TAF1C: variants seen among roughly 807,000 people sequenced by gnomAD.
TAF1C encodes TATA box-binding protein-associated factor RNA polymerase I subunit C.
TAF1C carries 79 observed loss-of-function variants against 70.5 expected under a neutral mutation model. That is an observed-to-expected ratio of 1.12 (90% CI 0.93 to 1.35). TAF1C has a LOEUF of 1.35. Ranked by LOEUF, TAF1C falls within the 40% of genes most tolerant of loss-of-function variation. The pLI, the probability that TAF1C is intolerant of heterozygous loss-of-function variation, is 0.00. For synonymous variants in TAF1C, 614 were observed against 491.1 expected (o/e 1.25, Z -3.31); for missense variants, 1,412 against 1,127.8 (o/e 1.25, Z -3.61).
chr16:84,183,801 G>C (rs757842884), intron 2 of TAF1C, 23 bp from the exon 3 acceptor site: 2 of 1,591,134 alleles, frequency 1.3e-6, no homozygotes, highest in Non-Finnish European at 1.7e-6. Context: ...CAATCGCAAG[G>C]ACAGTATCAT....
rs751186288 is a variant in TAF1C, at chr16:84,180,092, G to A, written c.1484-9C>T. On this transcript the variant is annotated splice_polypyrimidine_tract_variant and intron_variant, in intron 13 of 14. Coordinates refer to ENST00000566732, the MANE Select transcript of TAF1C (RefSeq NM_001243156.2). Reference sequence around the variant, plus strand: ...CACCGACGCCCCTTCTCCTGAGGAAGGACAGACAGCTGAGGCCCTGTCCAG... The same window carrying A: ...CACCGACGCCCCTTCTCCTGAGGAAAGACAGACAGCTGAGGCCCTGTCCAG... 2 of 1,589,256 alleles carry A rather than the reference G, an allele frequency of 1.3e-6. No individual in the cohort carries two copies. Among genetic ancestry groups the A allele is most frequent in the Non-Finnish European group, 1.7e-6 (2 of 1,169,970 alleles).
Position 84,182,210 on chromosome 16 carries a change from T to C in TAF1C, c.713A>G (p.Asp238Gly), listed in dbSNP as rs753197943. 36 of 1,610,694 alleles carry C rather than the reference T, an allele frequency of 2.2e-5. No individual in the cohort carries two copies. In the South Asian group the frequency reaches 4.0e-4, roughly 18 times the overall value. The stretch of plus-strand genomic sequence containing the variant: ...CTCGCAAGAAAGGATACGCAGCCTG[T>C]CCTGGGCGCCTCCAGCAGGGTAGAC... ...QLVYPAGGAQ[D>G]RLHFQEVVLT... Residue 238 changes from aspartate to glycine, a missense_variant, in exon 7 of 15, where the codon GAC (aspartate) becomes GGC (glycine). Coordinates refer to ENST00000566732, the MANE Select transcript of TAF1C (RefSeq NM_001243156.2). This position sits in a 1 kb window ranked among gnomAD's most constrained non-coding sequence, Gnocchi z 5.0.
chr16:84,183,028 A>G (rs1597564499), intron 6 of TAF1C, 48 bp downstream of exon 6: 1 of 1,598,644 alleles, frequency 6.3e-7, no homozygotes, highest in Non-Finnish European at 8.6e-7. Context: ...CTACATCCCC[A>G]CCACCAGCTA....
rs184969494 is a variant in TAF1C at position 84,183,496 on chromosome 16, G to C, written c.232C>G (p.Pro78Ala). 35 of 1,610,544 alleles carry C rather than the reference G, an allele frequency of 2.2e-5. No homozygotes were observed. In the East Asian group the frequency reaches 7.4e-4, roughly 34 times the overall value. The change falls in exon 4 of 15, where the codon CCT becomes GCT. Residue 78 changes from proline to alanine, a missense_variant. Pro to Ala is a conservative substitution (Grantham distance 27). Coordinates refer to ENST00000566732, the MANE Select transcript of TAF1C (RefSeq NM_001243156.2). ...AGCAGGTCCCGGGCAGTCAGGCCAG[G>C]GTCCCAGGGATCTGAGAAGGAGGTT... ...MLPPLIDPWDPGLTARDLLFR... is the reference protein window; with the variant it reads ...MLPPLIDPWDAGLTARDLLFR...
At chr16:84,181,568 G>A (rs536158812) in intron 10 of TAF1C, 24 bp downstream of exon 10, 1 of 1,613,920 alleles carries the variant, frequency 6.2e-7, no homozygotes, top group Non-Finnish European at 8.5e-7. Context: ...TTAGGGTGGG[G>A]GGTTTCACAG....
rs374905705 is a variant in TAF1C at position 84,183,403 on chromosome 16, C to A, written c.318+7G>T. On this transcript the variant is annotated splice_region_variant and intron_variant, in intron 4 of 14. Transcript: ENST00000566732. ...TACGCAGCACTGTCCCCCGTGGGCC[C>A]ACTCACCTGCTCAGTCACATCCAGC... 1 of 1,613,064 alleles carries A rather than the reference C, an allele frequency of 6.2e-7. No homozygotes were observed. The highest frequency in any genetic ancestry group is 8.5e-7 in the Non-Finnish European group (1 of 1,179,550).
chr16:84,179,000 G>A lies in TAF1C; in HGVS notation c.2473C>T (p.His825Tyr), dbSNP rs745592578. The A allele has an allele frequency of 6.2e-7, 1 of 1,610,670 alleles. No homozygotes were observed. Among genetic ancestry groups the A allele is most frequent in the Non-Finnish European group, 8.5e-7 (1 of 1,179,954 alleles). ...SSVRATRSQQ[H>Y]TPVLSSSQPL... Reference sequence around the variant, plus strand: ...TGAGAGCTAGAGAGGACGGGTGTGTGCTGCTGGGAGCGAGTGGCCCGGACG... The same window carrying A: ...TGAGAGCTAGAGAGGACGGGTGTGTACTGCTGGGAGCGAGTGGCCCGGACG... The change falls in exon 15 of 15, where the codon CAC (histidine) becomes TAC (tyrosine). Residue 825 changes from histidine (H) to tyrosine (Y), a missense_variant. By Grantham distance (83) the His-to-Tyr change is moderately conservative. Transcript: ENST00000566732.
Position 84,185,060 on chromosome 16 carries a change from C to T in TAF1C, c.-72G>A. The stretch of plus-strand genomic sequence containing the variant: ...GAAGCTGGTAAGGGGCGCCAGAGTT[C>T]CTGAGGAGTGAAAAGTGCACTACGG... On this transcript the variant is annotated splice_region_variant and 5_prime_UTR_variant, in exon 2 of 15. Coordinates refer to ENST00000566732, the MANE Select transcript of TAF1C (RefSeq NM_001243156.2). 4 of 1,546,632 alleles carry T rather than the reference C, an allele frequency of 2.6e-6. No homozygotes were observed. Among genetic ancestry groups the T allele is most frequent in the Non-Finnish European group, 3.5e-6 (4 of 1,145,600 alleles).
intron 2 of TAF1C, 49 bp downstream of exon 2, chr16:84,184,802 G>A (rs1226188536): frequency 1.3e-6 from 2 of 1,548,190 alleles, no homozygotes; most frequent in African/African-American, 2.7e-5. Context: ...GGGGGACCCA[G>A]GGAAGGGATG....
At chr16:84,183,214 T>A (rs1476936313) in intron 5 of TAF1C, 30 bp downstream of exon 5, 2 of 1,612,886 alleles carry the variant, frequency 1.2e-6, no homozygotes, top group Non-Finnish European at 1.7e-6. Flanking sequence ...CAGCAGGGAG[T>A]CCCCACCCCT....
Position 84,178,826 on chromosome 16 carries a change from G to T in TAF1C, c.*115C>A. ...AAATTGCTTGGCTCATCATCACAGT[G>T]GCCTCCAGAAGGTGGCGAGCTCTGC... On this transcript the variant is annotated 3_prime_UTR_variant, in exon 15 of 15. Coordinates refer to ENST00000566732, the MANE Select transcript of TAF1C (RefSeq NM_001243156.2). The T allele has an allele frequency of 8.6e-7, 1 of 1,163,416 alleles. No individual in the cohort carries two copies. Among genetic ancestry groups the T allele is most frequent in the Non-Finnish European group, 1.2e-6 (1 of 838,030 alleles). The allele number at this position is 1,163,416 out of a possible 1,614,324, so 72.1% of individuals were successfully genotyped here.
chr16:84,186,059 TG>T (rs1266083961), intron 1 of TAF1C, among the ~76,000 whole-genome samples: 2 of 152,220 alleles, frequency 1.3e-5, no homozygotes, highest in Non-Finnish European at 2.9e-5. Context: ...GCCAGGCACA[TG>T]CTAAATGCTG....
At chr16:84,183,969 C>T (rs927245407) in intron 2 of TAF1C, among the ~76,000 whole-genome samples, 191 bp from the exon 3 acceptor site, 6 of 152,222 alleles carry the variant, frequency 3.9e-5, no homozygotes, top group Non-Finnish European at 8.8e-5. Context: ...AAGACAGAGC[C>T]GGTAAAGAGA....
intron 11 of TAF1C, 63 bp from the exon 12 acceptor site, chr16:84,181,249 C>T: frequency 6.3e-7 from 1 of 1,597,728 alleles, no homozygotes; most frequent in Non-Finnish European, 8.6e-7. Flanking sequence ...TGTCCTCGCC[C>T]AGGCCGCAGC....
rs1267861698 is a variant in TAF1C at position 84,183,491 on chromosome 16, G to A, written c.237C>T (p.Gly79=). ...GGAAAAGCAGGTCCCGGGCAGTCAG[G>A]CCAGGGTCCCAGGGATCTGAGAAGG... ...LPPLIDPWDP[G]LTARDLLFRG... is the part of the protein sequence containing the mutation. Residue 79 remains glycine, a synonymous_variant, in exon 4 of 15, where the codon GGC becomes GGT. Coordinates refer to ENST00000566732, the MANE Select transcript of TAF1C (RefSeq NM_001243156.2). The A allele has an allele frequency of 1.9e-6, 3 of 1,610,826 alleles. No homozygotes were observed. Among genetic ancestry groups the A allele is most frequent in the Admixed American group, 3.4e-5 (2 of 59,510 alleles).
intron 12 of TAF1C, 107 bp from the exon 13 acceptor site, chr16:84,180,451 G>T: frequency 2.5e-6 from 3 of 1,178,340 alleles, no homozygotes; most frequent in African/African-American, 1.6e-5. Context: ...GCCCTGAGGG[G>T]CAGCAGCATC....
At position 84,182,856 on chromosome 16, in the gene TAF1C, G is replaced by C. The variant is rs1298189572; in HGVS notation, c.482+220C>G. 6.6e-6 allele frequency among the ~76,000 whole-genome samples: 1 copy of C among 152,216 alleles called. No homozygotes were observed. The highest frequency in any genetic ancestry group is 2.1e-4 in the South Asian group (1 of 4,826). On this transcript the variant is annotated intron_variant, in intron 6 of 14. Coordinates refer to ENST00000566732, the MANE Select transcript of TAF1C (RefSeq NM_001243156.2). The surrounding 1 kb of genome is among the most constrained non-coding windows in gnomAD (Gnocchi z 5.0). ...AGACACAGCTCTATGAACATTATTT[G>C]AACACCTGGATGCAGCTGTGCCTGA...
In TAF1C at chr16:84,181,841, G is replaced by A. The variant is rs535652739; in HGVS notation, c.861C>T (p.Asp287=). Residue 287 remains aspartate, a synonymous_variant, in exon 9 of 15, where the codon GAC becomes GAT. Transcript: ENST00000566732. The stretch of plus-strand genomic sequence containing the variant: ...CAAACTTCCACACGGCACAGTGGTA[G>A]TCAGAGCGGACGGCCAGCAGAGCTG... ...QGETLLAVRS[D]YHCAVWKFGK... is the part of the protein sequence containing the mutation. The A allele has an allele frequency of 1.9e-6, 3 of 1,614,222 alleles. No individual in the cohort carries two copies. The highest frequency in any genetic ancestry group is 2.2e-5 in the East Asian group (1 of 44,878).
Position 84,179,121 on chromosome 16 carries a change from C to A in TAF1C, c.2352G>T (p.Glu784Asp). ...PDACAQGVPS[E>D]QRQMLRDYMA... is the part of the protein sequence containing the mutation. ...TGTAGTCACGGAGCATCTGCCGCTG[C>A]TCTGATGGGACGCCCTGGGCGCATG... The change falls in exon 15 of 15, where the codon GAG (glutamate) becomes GAT (aspartate). Residue 784 changes from glutamate (E) to aspartate (D), a missense_variant. Coordinates refer to ENST00000566732, the MANE Select transcript of TAF1C (RefSeq NM_001243156.2). 6.2e-7 allele frequency: 1 copy of A among 1,609,664 alleles called. No homozygotes were observed. Among genetic ancestry groups the A allele is most frequent in the Non-Finnish European group, 8.5e-7 (1 of 1,179,158 alleles).
Sources: allele counts gnomAD v4.1 joint callset (sites outside exome capture counted in the v4.1 genomes callset), GRCh38; gene constraint gnomAD v4.1.1; non-coding constraint Gnocchi (gnomAD v3.1); transcripts MANE v1.5; gene names NCBI Gene and HGNC (gene_info 2026-07-23, HGNC 2026-07-21).